Variants in CCDC171 observed in about 807,000 individuals in gnomAD.
The protein encoded by CCDC171 is coiled-coil domain containing 171.
In CCDC171, 177 loss-of-function variants were observed where a neutral mutation model predicts 168.2. The observed-to-expected ratio is 1.05, with a 90% CI of 0.93 to 1.19. The LOEUF (loss-of-function observed/expected upper bound fraction) is 1.19, where lower values mean the gene tolerates loss of function less well. Ranked by LOEUF, CCDC171 falls within the 50% of genes most tolerant of loss-of-function variation. The pLI is 0.00. For synonymous variants in CCDC171, 687 were observed against 540.8 expected, an observed-to-expected ratio of 1.27 and a Z score of -3.75; for missense variants, 1,991 against 1,539.0, an observed-to-expected ratio of 1.29 and a Z score of -4.91.
At chr9:15,616,908 A>G (rs972325840) in intron 6 of CCDC171, among the ~76,000 whole-genome samples, 2 of 152,168 alleles carry the variant, frequency 1.3e-5, no homozygotes, top group Non-Finnish European at 1.5e-5. Flanking sequence ...AAGGAAAGAG[A>G]TTTAATTAAT....
intron 4 of CCDC171, among the ~76,000 whole-genome samples, chr9:15,579,996 T>C (rs1056796121): frequency 6.6e-6 from 1 of 152,146 alleles, no homozygotes; most frequent in Admixed American, 6.5e-5. Flanking sequence ...GTCCTGGTTC[T>C]ACATGGTACT....
chr9:15,905,876 C>T (rs1192428475), intron 24 of CCDC171, among the ~76,000 whole-genome samples: 7 of 152,176 alleles, frequency 4.6e-5, no homozygotes, highest in Admixed American at 3.3e-4. Flanking sequence ...AAACTGCCAT[C>T]AGAGAATACT....
At chr9:15,870,827 G>T (rs1160236253) in intron 23 of CCDC171, among the ~76,000 whole-genome samples, 2 of 150,780 alleles carry the variant, frequency 1.3e-5, no homozygotes, top group South Asian at 4.2e-4. Flanking sequence ...ATAAAAATTA[G>T]AAAACATTGT....
chr9:15,946,577 T>C (rs903776848), intron 25 of CCDC171, among the ~76,000 whole-genome samples: 1 of 151,964 alleles, frequency 6.6e-6, no homozygotes, highest in African/African-American at 2.4e-5. Flanking sequence ...ATCAATATCG[T>C]GAAAATGGCC....
At chr9:15,687,301 A>T (rs1038099620) in intron 10 of CCDC171, among the ~76,000 whole-genome samples, 1 of 151,968 alleles carries the variant, frequency 6.6e-6, no homozygotes, top group African/African-American at 2.4e-5. Context: ...TCTATATTCA[A>T]AAAAAATACT....
In CCDC171 at chr9:15,687,987, C is replaced by T. The variant is rs144872629; in HGVS notation, c.1216-7248C>T. 6.9e-3 allele frequency among the ~76,000 whole-genome samples: 1,048 copies of T among 151,892 alleles called. 11 individuals are homozygous for T. Among genetic ancestry groups the T allele is most frequent in the African/African-American group, 0.024 (981 of 41,448 alleles). On this transcript the variant is annotated intron_variant, in intron 10 of 25. Coordinates refer to ENST00000380701, the MANE Select transcript of CCDC171 (RefSeq NM_173550.4). Reference sequence around the variant, plus strand: ...TACAAAAATTAGCTGGGCAAGGTGGCGCATGCCTGTAGTCCCAGCTACTTG... The same window carrying T: ...TACAAAAATTAGCTGGGCAAGGTGGTGCATGCCTGTAGTCCCAGCTACTTG...
At chr9:16,003,218 C>T (rs963573407) in intron 3 of CCDC171, among the ~76,000 whole-genome samples, 3 of 152,196 alleles carry the variant, frequency 2.0e-5, no homozygotes, top group Non-Finnish European at 4.4e-5. Flanking sequence ...TAACCTTGAG[C>T]AAGTCATATA....
chr9:15,970,724 C>A (rs963724939), intron 25 of CCDC171, among the ~76,000 whole-genome samples: 1 of 152,096 alleles, frequency 6.6e-6, no homozygotes, highest in Non-Finnish European at 1.5e-5. Flanking sequence ...CATCAGTGTT[C>A]TCAAATATAT....
At chr9:15,699,126 C>T (rs139278080) in intron 11 of CCDC171, among the ~76,000 whole-genome samples, 47 of 152,158 alleles carry the variant, frequency 3.1e-4, no homozygotes, top group Admixed American at 7.8e-4. Flanking sequence ...AGAGTTTGTT[C>T]CTTCTGGTGT....
chr9:15,856,783 C>CT (rs940711973), intron 23 of CCDC171, among the ~76,000 whole-genome samples: 1 of 151,928 alleles, frequency 6.6e-6, no homozygotes, highest in Non-Finnish European at 1.5e-5. Context: ...AATCTCCATA[C>CT]TTTTTTTCCA....
chr9:15,989,110 G>A (rs1832097114), intron 3 of CCDC171, among the ~76,000 whole-genome samples: 1 of 152,180 alleles, frequency 6.6e-6, no homozygotes, highest in South Asian at 2.1e-4. Flanking sequence ...TTTGAGATCT[G>A]AGAATGGACA....
chr9:15,580,900 T>A (rs1170459282), intron 4 of CCDC171, among the ~76,000 whole-genome samples: 1 of 152,086 alleles, frequency 6.6e-6, no homozygotes, highest in Non-Finnish European at 1.5e-5. Context: ...TCACCACTCC[T>A]AGTCAACATA....
chr9:15,837,167 A>C (rs1440228338), intron 21 of CCDC171, among the ~76,000 whole-genome samples: 1 of 152,180 alleles, frequency 6.6e-6, no homozygotes, highest in African/African-American at 2.4e-5. Flanking sequence ...GTTGTTTAAG[A>C]AAATTTGAAC....
chr9:15,554,266 C>T (rs1322537576), intron 1 of CCDC171, among the ~76,000 whole-genome samples: 2 of 152,122 alleles, frequency 1.3e-5, no homozygotes, highest in Admixed American at 6.6e-5. Context: ...GTGATCCGCC[C>T]GCCTCGGCCT....
At chr9:15,748,962 A>T (rs1168007077) in intron 18 of CCDC171, among the ~76,000 whole-genome samples, 1 of 152,198 alleles carries the variant, frequency 6.6e-6, no homozygotes, top group Non-Finnish European at 1.5e-5. Flanking sequence ...ATTCACATAT[A>T]ACAATATTAA....
At chr9:16,015,742 C>T (rs1459953575) in intron 3 of CCDC171, among the ~76,000 whole-genome samples, 1 of 152,138 alleles carries the variant, frequency 6.6e-6, no homozygotes, top group African/African-American at 2.4e-5. Flanking sequence ...TTCCATCTTC[C>T]CAACTGAAAC....
intron 3 of CCDC171, among the ~76,000 whole-genome samples, chr9:16,014,762 C>T (rs1832967104): frequency 6.6e-6 from 1 of 152,056 alleles, no homozygotes; most frequent in Non-Finnish European, 1.5e-5. Flanking sequence ...TGAAAGAAAT[C>T]TCATTTCTTG....
chr9:15,768,342 T>C (rs1003349917), intron 18 of CCDC171, among the ~76,000 whole-genome samples: 2 of 152,202 alleles, frequency 1.3e-5, no homozygotes, highest in Admixed American at 6.5e-5. Flanking sequence ...TGTAACATAC[T>C]TTTATTCTTA....
At chr9:15,880,661 A>G (rs1818522558) in intron 24 of CCDC171, among the ~76,000 whole-genome samples, 1 of 147,248 alleles carries the variant, frequency 6.8e-6, no homozygotes, top group South Asian at 2.2e-4. Flanking sequence ...ATTTTAGCAG[A>G]GACGAGGTTT....
Sources: allele counts gnomAD v4.1 joint callset (sites outside exome capture counted in the v4.1 genomes callset), GRCh38; gene constraint gnomAD v4.1.1; transcripts MANE v1.5; gene names NCBI Gene and HGNC (gene_info 2026-07-23, HGNC 2026-07-21).